Variants in MAD1L1 observed in about 807,000 individuals in gnomAD.
MAD1L1 encodes mitotic spindle assembly checkpoint protein MAD1.
MAD1L1 carries 95 observed loss-of-function variants against 96.9 expected under a neutral mutation model. The observed-to-expected ratio is 0.98, with a 90% CI of 0.83 to 1.16. MAD1L1 has a LOEUF of 1.16. Ranked by LOEUF, MAD1L1 falls within the 50% of genes most tolerant of loss-of-function variation. The pLI is 0.00. For synonymous variants in MAD1L1, 473 were observed against 396.6 expected, an observed-to-expected ratio of 1.19 and a Z score of -2.29; for missense variants, 1,007 against 954.4, an observed-to-expected ratio of 1.06 and a Z score of -0.73.
At chr7:1,897,789 C>T (rs149045727) in intron 18 of MAD1L1, among the ~76,000 whole-genome samples, 91 of 152,352 alleles carry the variant, frequency 6.0e-4, no homozygotes, top group African/African-American at 2.1e-3. Flanking sequence ...CTGCGCTGTC[C>T]CACTGCGCAG....
intron 12 of MAD1L1, among the ~76,000 whole-genome samples, chr7:2,042,294 GAC>G (rs569482307): frequency 2.7e-4 from 40 of 150,700 alleles, no homozygotes; most frequent in East Asian, 7.8e-4. Flanking sequence ...CATGGACACA[GAC>G]ACACGCAGAT....
chr7:1,832,576 T>C (rs1427222796), intron 18 of MAD1L1, among the ~76,000 whole-genome samples: 82 of 126,884 alleles, frequency 6.5e-4, no homozygotes, highest in Admixed American at 1.0e-3. Flanking sequence ...AAATCTTTCA[T>C]GAAAGGAAGA....
chr7:2,021,433 C>T (rs1782782664), intron 12 of MAD1L1, among the ~76,000 whole-genome samples: 1 of 152,172 alleles, frequency 6.6e-6, no homozygotes, highest in African/African-American at 2.4e-5. Flanking sequence ...TGGAATTCTG[C>T]ATCCAGCAAG....
At chr7:2,068,955 C>A (rs1050621436) in intron 12 of MAD1L1, among the ~76,000 whole-genome samples, 24 of 152,294 alleles carry the variant, frequency 1.6e-4, no homozygotes, top group Admixed American at 1.6e-3. Flanking sequence ...GGGGTGGACA[C>A]TGAGATGCTG....
intron 11 of MAD1L1, among the ~76,000 whole-genome samples, chr7:2,110,807 G>A (rs908776077): frequency 1.1e-4 from 16 of 152,144 alleles, no homozygotes; most frequent in Non-Finnish European, 1.9e-4. Flanking sequence ...CATGGTGCAC[G>A]CCCATAAGAA....
chr7:1,903,478 T>A (rs377300930), intron 17 of MAD1L1, among the ~76,000 whole-genome samples: 1 of 139,940 alleles, frequency 7.1e-6, no homozygotes, highest in African/African-American at 3.1e-5. Flanking sequence ...AAGACGCTCT[T>A]GCGGAACTCA....
chr7:2,111,828 G>A (rs954557207), intron 11 of MAD1L1, among the ~76,000 whole-genome samples: 5 of 152,336 alleles, frequency 3.3e-5, no homozygotes, highest in South Asian at 4.1e-4. Flanking sequence ...CGCACACACC[G>A]GATGCTTCCC....
chr7:1,826,078 C>T (rs1310838313), intron 18 of MAD1L1, among the ~76,000 whole-genome samples: 2 of 151,558 alleles, frequency 1.3e-5, no homozygotes, highest in African/African-American at 2.4e-5. Context: ...CCGGGTACAG[C>T]GTGAAAATGG....
chr7:2,168,743 G>C (rs1033227872), intron 10 of MAD1L1, among the ~76,000 whole-genome samples: 27 of 152,286 alleles, frequency 1.8e-4, no homozygotes, highest in African/African-American at 6.3e-4. Context: ...AAGGTCCTGA[G>C]GCCGGAACAC....
chr7:1,928,194 C>G (rs1437095914), intron 17 of MAD1L1, among the ~76,000 whole-genome samples: 1 of 149,950 alleles, frequency 6.7e-6, no homozygotes, highest in Non-Finnish European at 1.5e-5. Flanking sequence ...TCCCCACCAC[C>G]CGCCGGTCCC....
intron 10 of MAD1L1, among the ~76,000 whole-genome samples, chr7:2,166,634 A>G (rs2128592011): frequency 6.6e-6 from 1 of 152,374 alleles, no homozygotes; most frequent in South Asian, 2.1e-4. Context: ...AGCTCAGAAC[A>G]GGGGCAGCAA....
At chr7:2,121,886 G>A (rs550672949) in intron 11 of MAD1L1, among the ~76,000 whole-genome samples, 10 of 152,318 alleles carry the variant, frequency 6.6e-5, no homozygotes, top group African/African-American at 1.7e-4. Flanking sequence ...ACACAGACCC[G>A]TGCAGCAGCC....
intron 9 of MAD1L1, 61 bp downstream of exon 9, chr7:2,215,824 G>A (rs1793239137): frequency 8.7e-6 from 13 of 1,491,576 alleles, no homozygotes; most frequent in Middle Eastern, 1.7e-4. Context: ...CCACAATACC[G>A]AGGCTCCTCC....
intron 17 of MAD1L1, among the ~76,000 whole-genome samples, chr7:1,909,309 C>T (rs1369505335): frequency 1.3e-5 from 2 of 152,320 alleles, no homozygotes; most frequent in South Asian, 4.1e-4. Flanking sequence ...CACTGGCAGC[C>T]CCGGTCCTGC....
intron 11 of MAD1L1, among the ~76,000 whole-genome samples, chr7:2,094,564 A>C (rs557184974): frequency 1.3e-5 from 2 of 152,334 alleles, no homozygotes; most frequent in East Asian, 3.9e-4. Context: ...ACAGTTGTGA[A>C]AGACAGGAAG....
chr7:2,192,525 T>C lies in MAD1L1; in HGVS notation c.986+20687A>G, dbSNP rs78699717. Among the ~76,000 whole-genome samples the C allele has an allele frequency of 4.9e-3, 745 of 152,272 alleles. 14 individuals are homozygous for C. Among genetic ancestry groups the C allele is most frequent in the East Asian group, 0.04 (207 of 5,186 alleles). ...TTCCGAAAGACAAGAGCTCTGAGTATTGAAAAACAATTCAGGAAAACTATC... is the reference window on the plus strand; with the variant it reads ...TTCCGAAAGACAAGAGCTCTGAGTACTGAAAAACAATTCAGGAAAACTATC... On this transcript the variant is annotated intron_variant, in intron 10 of 18. Transcript: ENST00000265854.
At chr7:1,953,485 A>G (rs778171969) in intron 16 of MAD1L1, among the ~76,000 whole-genome samples, 1 of 152,166 alleles carries the variant, frequency 6.6e-6, no homozygotes, top group Non-Finnish European at 1.5e-5. Context: ...AACAAGCACC[A>G]TGATGAGGCC....
chr7:1,959,979 A>C (rs1779885647), intron 15 of MAD1L1, among the ~76,000 whole-genome samples: 1 of 152,194 alleles, frequency 6.6e-6, no homozygotes. Context: ...AACTAATGAA[A>C]ATATATTGGG....
chr7:2,153,973 T>A (rs1040326205), intron 10 of MAD1L1, among the ~76,000 whole-genome samples: 4 of 151,984 alleles, frequency 2.6e-5, no homozygotes, highest in Non-Finnish European at 1.5e-5. Flanking sequence ...CCGGCCAACA[T>A]GGTGAAACTC....
Sources: allele counts gnomAD v4.1 joint callset (sites outside exome capture counted in the v4.1 genomes callset), GRCh38; gene constraint gnomAD v4.1.1; transcripts MANE v1.5; gene names NCBI Gene and HGNC (gene_info 2026-07-23, HGNC 2026-07-21).